Variants in TTLL5 observed in about 807,000 individuals in gnomAD.
TTLL5 encodes the protein tubulin tyrosine ligase like 5.
TTLL5 carries 132 observed loss-of-function variants against 168.4 expected under a neutral mutation model. That is an observed-to-expected ratio of 0.78 (90% confidence interval 0.68 to 0.91). The LOEUF is 0.91. Ranked by LOEUF, TTLL5 falls within the 40% of genes least tolerant of loss-of-function variation. The pLI is 0.00. For synonymous variants in TTLL5, 546 were observed against 558.6 expected, an observed-to-expected ratio of 0.98 and a Z score of 0.32; for missense variants, 1,545 against 1,581.5, an observed-to-expected ratio of 0.98 and a Z score of 0.39.
chr14:75,758,410 A>G lies in TTLL5; in HGVS notation c.1550+5455A>G, dbSNP rs76859496. 9.5e-3 allele frequency among the ~76,000 whole-genome samples: 1,446 copies of G among 152,348 alleles called. 27 individuals are homozygous for G. The highest frequency in any genetic ancestry group is 0.033 in the African/African-American group (1,378 of 41,582). Reference sequence around the variant, plus strand: ...AGTTTGTAGCTTGTTTCCAAATAGAAAGTCACACTTGGTGTATAAGTTTTC... The same window carrying G: ...AGTTTGTAGCTTGTTTCCAAATAGAGAGTCACACTTGGTGTATAAGTTTTC... On this transcript the variant is annotated intron_variant, in intron 18 of 31. Transcript: ENST00000298832.
chr14:75,932,449 C>T (rs1329931757), intron 31 of TTLL5, among the ~76,000 whole-genome samples: 3 of 152,162 alleles, frequency 2.0e-5, no homozygotes, highest in African/African-American at 2.4e-5. Context: ...ACCATTTTCA[C>T]GATGGAGTTT....
chr14:75,669,437 G>A lies in TTLL5; in HGVS notation c.96G>A (p.Trp32Ter), dbSNP rs1382187334. 1 of 1,614,116 alleles carries A rather than the reference G, an allele frequency of 6.2e-7. No individual in the cohort carries two copies. Among genetic ancestry groups the A allele is most frequent in the East Asian group, 2.2e-5 (1 of 44,880 alleles). ...ATAGGGATCATCCATGCATCATGTG[G>A]ACTGGAGGCTGCAGGAGAATTCCAG... Reference protein sequence around the residue: ...ISQEDHPCIMWTGGCRRIPVL... With the variant: ...ISQEDHPCIM Residue 32 changes from tryptophan (W) to a stop codon, truncating the protein, a stop_gained, in exon 3 of 32, where the codon TGG (tryptophan) becomes TGA (stop). Transcript: ENST00000298832. LOFTEE classifies it high-confidence loss of function.
chr14:75,936,985 T>C (rs911140184), intron 31 of TTLL5, among the ~76,000 whole-genome samples: 1 of 152,224 alleles, frequency 6.6e-6, no homozygotes, highest in South Asian at 2.1e-4. Flanking sequence ...ATAAGCACTT[T>C]ATATAACACT....
rs10655974 is a variant in TTLL5 at position 75,919,197 on chromosome 14, CAAAAAAAAAA to C, written c.3823+16988_3823+16997del. On this transcript the variant is annotated intron_variant, in intron 31 of 31. Coordinates refer to ENST00000298832, the MANE Select transcript of TTLL5 (RefSeq NM_015072.5). ...GCCTGGCTCCAGAGCAAGACCGTCTCAAAAAAAAAAAAAAAAAAAAAAAAGGAAAAAGAAA... is the reference window on the plus strand; with the variant it reads ...GCCTGGCTCCAGAGCAAGACCGTCTCAAAAAAAAAAAAAAGGAAAAAGAAA... Among the ~76,000 whole-genome samples, 10 of 56,114 alleles carry C rather than the reference CAAAAAAAAAA, an allele frequency of 1.8e-4. 1 individual carries two copies. Among genetic ancestry groups the C allele is most frequent in the African/African-American group, 3.4e-4 (5 of 14,562 alleles). 36.8% of individuals were successfully genotyped at this position (56,114 alleles called of 152,430 possible). A position where few individuals can be genotyped will look rare whatever the true frequency, so the allele number is the denominator to read the frequency against.
chr14:75,819,886 C>G, intron 27 of TTLL5, 121 bp from the exon 28 acceptor site: 1 of 1,109,498 alleles, frequency 9.0e-7, no homozygotes, highest in Non-Finnish European at 1.2e-6. Flanking sequence ...TTGTCACAGC[C>G]ACAGCTTCAG....
At position 75,942,830 on chromosome 14, in the gene TTLL5, T is replaced by G. The variant is rs145276354; in HGVS notation, c.3824-11594T>G. ...TTGGACTCCCTGATAGTTGCCGAAC[T>G]GGCATGATGTATTTTACAGGTGCTT... On this transcript the variant is annotated intron_variant, in intron 31 of 31. Coordinates refer to ENST00000298832, the MANE Select transcript of TTLL5 (RefSeq NM_015072.5). Among the ~76,000 whole-genome samples, 228 of 152,376 alleles carry G rather than the reference T, an allele frequency of 1.5e-3. 1 individual carries two copies. The highest frequency in any genetic ancestry group is 5.2e-3 in the African/African-American group (215 of 41,594).
chr14:75,825,133 A>G (rs1218094177), intron 28 of TTLL5, among the ~76,000 whole-genome samples: 1 of 152,162 alleles, frequency 6.6e-6, no homozygotes, highest in Non-Finnish European at 1.5e-5. Context: ...TGTGTATGTG[A>G]AAGTGGCCAG....
At chr14:75,952,296 G>A (rs1027626135) in intron 31 of TTLL5, among the ~76,000 whole-genome samples, 6 of 152,040 alleles carry the variant, frequency 3.9e-5, no homozygotes, top group African/African-American at 9.7e-5. Context: ...GCAACACAAC[G>A]AGACCCCATC....
At position 75,863,783 on chromosome 14, in the gene TTLL5, T is replaced by C; in HGVS notation, c.3443T>C (p.Leu1148Pro). Reference sequence around the variant, plus strand: ...CACCCCACAGCAGGCAGCTATCAGCTTCAATTTGCCCTGCAGCAACTTGAA... The same window carrying C: ...CACCCCACAGCAGGCAGCTATCAGCCTCAATTTGCCCTGCAGCAACTTGAA... ...KYHPTAGSYQ[L>P]QFALQQLEQQ... Residue 1148 changes from leucine to proline, a missense_variant, in exon 29 of 32, where the codon CTT (leucine) becomes CCT (proline). Transcript: ENST00000298832. 1 of 1,613,832 alleles carries C rather than the reference T, an allele frequency of 6.2e-7. No homozygotes were observed. The highest frequency in any genetic ancestry group is 8.5e-7 in the Non-Finnish European group (1 of 1,179,946).
intron 6 of TTLL5, among the ~76,000 whole-genome samples, chr14:75,690,878 G>A (rs183816552): frequency 7.6e-4 from 116 of 152,210 alleles, no homozygotes; most frequent in African/African-American, 2.6e-3. Flanking sequence ...TCTTGGCTTC[G>A]CAAAATTCTG....
chr14:75,680,631 T>TA (rs1470316200), intron 3 of TTLL5, among the ~76,000 whole-genome samples: 1 of 145,676 alleles, frequency 6.9e-6, no homozygotes, highest in African/African-American at 2.6e-5. Context: ...TTTTTTTTTT[T>TA]TTTTTTTTGA....
chr14:75,866,891 C>T (rs1006911405), intron 29 of TTLL5, among the ~76,000 whole-genome samples: 3 of 152,118 alleles, frequency 2.0e-5, no homozygotes, highest in African/African-American at 7.2e-5. Context: ...GAGCCAGTGG[C>T]GGAAGTTTTC....
intron 17 of TTLL5, 109 bp from the exon 18 acceptor site, chr14:75,752,784 A>G (rs2140274476): frequency 1.1e-6 from 1 of 906,490 alleles, no homozygotes; most frequent in Non-Finnish European, 1.7e-6. Flanking sequence ...TTCATTAAAA[A>G]CAGTATATAA....
intron 27 of TTLL5, among the ~76,000 whole-genome samples, chr14:75,805,909 A>G (rs563523399): frequency 2.0e-5 from 3 of 151,860 alleles, no homozygotes; most frequent in South Asian, 4.2e-4. Context: ...TCACTTTTCC[A>G]TCTACTGTCC....
At chr14:75,821,121 T>C (rs985549303) in intron 28 of TTLL5, among the ~76,000 whole-genome samples, 1 of 152,178 alleles carries the variant, frequency 6.6e-6, no homozygotes, top group African/African-American at 2.4e-5. Context: ...AAAGTATCTA[T>C]TGGTGTTAGA....
chr14:75,922,295 T>C (rs2033855513), intron 31 of TTLL5, among the ~76,000 whole-genome samples: 1 of 152,196 alleles, frequency 6.6e-6, no homozygotes, highest in Non-Finnish European at 1.5e-5. Flanking sequence ...AGAGAGGGCA[T>C]CCTTGTCTTG....
intron 27 of TTLL5, among the ~76,000 whole-genome samples, chr14:75,808,085 T>A (rs1024038132): frequency 2.6e-5 from 4 of 152,172 alleles, no homozygotes; most frequent in Admixed American, 2.6e-4. Context: ...CAACTCCCCC[T>A]GTCAACACAC....
chr14:75,785,820 T>C (rs1463692249), intron 26 of TTLL5, among the ~76,000 whole-genome samples: 1 of 152,222 alleles, frequency 6.6e-6, no homozygotes, highest in African/African-American at 2.4e-5. Flanking sequence ...CCAACTTCAC[T>C]CTTCTTTTTC....
At chr14:75,856,441 A>C (rs1191200160) in intron 28 of TTLL5, among the ~76,000 whole-genome samples, 8 of 152,180 alleles carry the variant, frequency 5.3e-5, no homozygotes, top group Non-Finnish European at 4.4e-5. Context: ...TGAAATACAG[A>C]ATAGACATTC....
Sources: gnomAD v4.1 joint callset for allele counts (sites outside exome capture counted in the v4.1 genomes callset) on GRCh38, gnomAD v4.1.1 for gene constraint, MANE v1.5 for transcripts, NCBI Gene and HGNC (gene_info 2026-07-23, HGNC 2026-07-21) for gene names.